SPECC1: variants seen among roughly 807,000 people sequenced by gnomAD.
The protein encoded by SPECC1 is cytospin-B.
SPECC1 carries 62 observed loss-of-function variants against 104.1 expected under a neutral mutation model. That is an observed-to-expected ratio of 0.60 (90% confidence interval 0.49 to 0.74). The LOEUF is 0.74. Ranked by LOEUF, SPECC1 falls within the 30% of genes least tolerant of loss-of-function variation. The probability of loss-of-function intolerance (pLI) is 0.00; values close to 1 mark genes in which losing one functional copy is unlikely to be tolerated. For synonymous variants in SPECC1, 513 were observed against 501.6 expected (o/e 1.02, Z -0.30); for missense variants, 1,306 against 1,310.5 (o/e 1.00, Z 0.05).
chr17:20,066,736 T>A (rs1056249132), intron 1 of SPECC1, among the ~76,000 whole-genome samples: 1 of 141,514 alleles, frequency 7.1e-6, no homozygotes, highest in Non-Finnish European at 1.5e-5. Context: ...ACATAATTGT[T>A]GTTATGCTTA....
chr17:20,265,267 C>T (rs1022356486), intron 12 of SPECC1, among the ~76,000 whole-genome samples: 5 of 152,276 alleles, frequency 3.3e-5, no homozygotes, highest in East Asian at 1.9e-4. Flanking sequence ...GCCTCGCTAG[C>T]GTCTGCTATT....
intron 3 of SPECC1, among the ~76,000 whole-genome samples, chr17:20,115,017 T>C (rs1340578574): frequency 2.6e-5 from 4 of 152,208 alleles, no homozygotes; most frequent in Non-Finnish European, 4.4e-5. Context: ...CACTTAAAGG[T>C]ACCTCTGTAG....
intron 12 of SPECC1, among the ~76,000 whole-genome samples, chr17:20,279,414 C>G (rs1042035410): frequency 6.6e-5 from 10 of 151,334 alleles, no homozygotes; most frequent in Middle Eastern, 3.2e-3. Flanking sequence ...CCTCTGCCCC[C>G]TGGGTTCAAG....
intron 1 of SPECC1, among the ~76,000 whole-genome samples, chr17:20,075,333 T>C (rs552810423): frequency 1.1e-4 from 17 of 152,230 alleles, no homozygotes; most frequent in East Asian, 5.8e-4. Context: ...TAGCTGAGGA[T>C]GTGGAGGCCT....
intron 1 of SPECC1, among the ~76,000 whole-genome samples, chr17:20,069,330 T>A (rs779548092): frequency 6.6e-6 from 1 of 152,238 alleles, no homozygotes; most frequent in Non-Finnish European, 1.5e-5. Flanking sequence ...CTTGATAGTA[T>A]CTTTTGAAGC....
intron 3 of SPECC1, among the ~76,000 whole-genome samples, chr17:20,189,963 A>T (rs1567918961): frequency 6.6e-6 from 1 of 152,184 alleles, no homozygotes; most frequent in Non-Finnish European, 1.5e-5. Context: ...GTTCATTTGC[A>T]TGAGTGTAGG....
chr17:20,199,792 T>C (rs539250483), intron 3 of SPECC1, among the ~76,000 whole-genome samples: 8 of 141,158 alleles, frequency 5.7e-5, no homozygotes, highest in Non-Finnish European at 1.0e-4. Context: ...TTGTGTCTTA[T>C]TTTATTTTAT....
intron 1 of SPECC1, among the ~76,000 whole-genome samples, chr17:20,018,490 A>G (rs1360052686): frequency 2.6e-5 from 4 of 152,188 alleles, no homozygotes. Flanking sequence ...TTTTGGGCTT[A>G]ACTGGTCCTC....
chr17:20,139,813 GAC>G (rs1466700609), intron 3 of SPECC1, among the ~76,000 whole-genome samples: 2 of 152,012 alleles, frequency 1.3e-5, no homozygotes, highest in Non-Finnish European at 2.9e-5. Context: ...TAGCTGGGAT[GAC>G]AGGTGCCCAT....
intron 5 of SPECC1, among the ~76,000 whole-genome samples, chr17:20,230,233 C>T (rs1302278993): frequency 6.6e-6 from 1 of 152,162 alleles, no homozygotes; most frequent in Non-Finnish European, 1.5e-5. Flanking sequence ...TCGGTGTTTG[C>T]TGATTTGGTG....
chr17:20,254,961 C>T (rs530422186), intron 10 of SPECC1, among the ~76,000 whole-genome samples: 1 of 152,114 alleles, frequency 6.6e-6, no homozygotes, highest in Non-Finnish European at 1.5e-5. Context: ...GATCTGAGCC[C>T]ATTCCTCGAG....
chr17:20,037,396 C>T (rs1200701220), intron 1 of SPECC1, among the ~76,000 whole-genome samples: 1 of 152,020 alleles, frequency 6.6e-6, no homozygotes, highest in African/African-American at 2.4e-5. Context: ...GGTGATCCAC[C>T]AGCGTCAGCC....
intron 1 of SPECC1, among the ~76,000 whole-genome samples, chr17:20,028,238 G>T (rs2044672873): frequency 7.1e-6 from 1 of 141,652 alleles, no homozygotes; most frequent in South Asian, 2.3e-4. Flanking sequence ...TATAATCGCA[G>T]CACTTTAGTG....
rs146099010 is a variant in SPECC1 at position 20,245,651 on chromosome 17, C to T, written c.2352-275C>T. Among the ~76,000 whole-genome samples the T allele has an allele frequency of 3.3e-5, 5 of 152,306 alleles. No homozygotes were observed. In the East Asian group the frequency reaches 9.6e-4, roughly 29 times the overall value. ...ATGCACAATTTGCAGAGTAGCCATA[C>T]ACACTTTTTATTTAGAGCTAATATC... On this transcript the variant is annotated intron_variant, in intron 7 of 14. Transcript: ENST00000395527.
chr17:20,159,700 A>G (rs145352946), intron 3 of SPECC1, among the ~76,000 whole-genome samples: 11 of 152,322 alleles, frequency 7.2e-5, no homozygotes, highest in African/African-American at 2.2e-4. Context: ...TGGATAAGAT[A>G]AATAGATCCA....
intron 12 of SPECC1, among the ~76,000 whole-genome samples, chr17:20,266,961 G>A (rs945940042): frequency 6.6e-6 from 1 of 152,138 alleles, no homozygotes; most frequent in African/African-American, 2.4e-5. Context: ...AGTGACACAC[G>A]GTGGTCGACC....
chr17:20,177,294 G>C (rs1436326653), intron 3 of SPECC1, among the ~76,000 whole-genome samples: 3 of 152,218 alleles, frequency 2.0e-5, no homozygotes, highest in Non-Finnish European at 4.4e-5. Flanking sequence ...CTGTGATAAT[G>C]AGCTTCTAAT....
intron 8 of SPECC1, among the ~76,000 whole-genome samples, 193 bp from the exon 9 acceptor site, chr17:20,247,026 A>G (rs988011892): frequency 2.6e-5 from 4 of 152,292 alleles, no homozygotes; most frequent in Middle Eastern, 6.8e-3. Flanking sequence ...ACTGACCTCC[A>G]CTCAGCTAAA....
intron 3 of SPECC1, among the ~76,000 whole-genome samples, chr17:20,153,016 A>T (rs1168067347): frequency 2.0e-5 from 3 of 152,150 alleles, no homozygotes; most frequent in Non-Finnish European, 2.9e-5. Flanking sequence ...CCCCACCCTT[A>T]TGACCTCATT....
Sources: gnomAD v4.1 joint callset for allele counts (sites outside exome capture counted in the v4.1 genomes callset) on GRCh38, gnomAD v4.1.1 for gene constraint, MANE v1.5 for transcripts, NCBI Gene and HGNC (gene_info 2026-07-23, HGNC 2026-07-21) for gene names.